WDR25: variants seen among roughly 807,000 people sequenced by gnomAD.
WDR25 encodes the protein WD repeat domain 25, also known as WD repeat-containing protein 25.
A neutral mutation model predicts 47.7 loss-of-function variants in WDR25; 35 were observed. The ratio of observed to expected loss-of-function variants is 0.73; its 90% confidence interval spans 0.56 to 0.97. The LOEUF (loss-of-function observed/expected upper bound fraction) is 0.97. WDR25 is among the 50% of genes least tolerant of loss of function. The pLI is 0.00. For missense variants in WDR25, 634 were observed against 704.7 expected (o/e 0.90, Z 1.14); for synonymous variants, 248 against 278.9 (o/e 0.89, Z 1.10).
At chr14:100,466,793 A>G (rs1446021750) in intron 2 of WDR25, among the ~76,000 whole-genome samples, 3 of 152,220 alleles carry the variant, frequency 2.0e-5, no homozygotes, top group Non-Finnish European at 4.4e-5. Context: ...AGGTGAGAGC[A>G]CTGCCCTCAT....
chr14:100,496,812 C>CT (rs1203437792), intron 4 of WDR25, among the ~76,000 whole-genome samples: 1 of 104,532 alleles, frequency 9.6e-6, no homozygotes, highest in Non-Finnish European at 2.2e-5. Flanking sequence ...TTTTCTTTTT[C>CT]TTTTTTTCTT....
intron 2 of WDR25, among the ~76,000 whole-genome samples, chr14:100,460,530 G>A (rs954831783): frequency 6.6e-6 from 1 of 152,150 alleles, no homozygotes; most frequent in African/African-American, 2.4e-5. Context: ...GAAAATCAAT[G>A]TAACTCAGCA....
At chr14:100,482,145 G>A (rs574984349) in intron 3 of WDR25, among the ~76,000 whole-genome samples, 37 of 151,924 alleles carry the variant, frequency 2.4e-4, no homozygotes, top group Non-Finnish European at 2.9e-4. Context: ...TTCCATCTAG[G>A]TCCGGGCATC....
chr14:100,451,069 G>T (rs568895390), intron 2 of WDR25, among the ~76,000 whole-genome samples: 1 of 152,238 alleles, frequency 6.6e-6, no homozygotes, highest in Non-Finnish European at 1.5e-5. Flanking sequence ...CATTTTCCAA[G>T]AGTGAAAAAA....
chr14:100,495,329 C>G (rs1411632752), intron 4 of WDR25, among the ~76,000 whole-genome samples: 1 of 152,214 alleles, frequency 6.6e-6, no homozygotes, highest in Non-Finnish European at 1.5e-5. Context: ...TGTATCCAGT[C>G]TGGGTGACAG....
chr14:100,391,826 T>C (rs1897152431), intron 2 of WDR25, among the ~76,000 whole-genome samples: 1 of 152,226 alleles, frequency 6.6e-6, no homozygotes, highest in Non-Finnish European at 1.5e-5. Flanking sequence ...GGGTCAAAAC[T>C]ATTTTCATAA....
chr14:100,399,077 CT>C (rs1442721089), intron 2 of WDR25, among the ~76,000 whole-genome samples: 2 of 145,908 alleles, frequency 1.4e-5, no homozygotes, highest in Admixed American at 1.3e-4. Flanking sequence ...TTTCTCATTC[CT>C]TTTTTCTTTT....
intron 3 of WDR25, among the ~76,000 whole-genome samples, chr14:100,477,665 A>G (rs1265638558): frequency 2.0e-5 from 3 of 152,232 alleles, no homozygotes; most frequent in Non-Finnish European, 2.9e-5. Flanking sequence ...AAGATATTTC[A>G]CTGATGAATA....
intron 2 of WDR25, among the ~76,000 whole-genome samples, chr14:100,451,188 A>G (rs998727749): frequency 1.3e-5 from 2 of 152,102 alleles, no homozygotes; most frequent in African/African-American, 4.8e-5. Flanking sequence ...ATGGCCTTGC[A>G]GGATTAAAAG....
At chr14:100,517,322 C>T (rs1279719928) in intron 4 of WDR25, among the ~76,000 whole-genome samples, 1 of 151,828 alleles carries the variant, frequency 6.6e-6, no homozygotes, top group Non-Finnish European at 1.5e-5. Flanking sequence ...CATGATCCAC[C>T]CGCCTCGGCC....
At chr14:100,399,921 G>A (rs1212325226) in intron 2 of WDR25, among the ~76,000 whole-genome samples, 3 of 152,230 alleles carry the variant, frequency 2.0e-5, no homozygotes, top group African/African-American at 7.2e-5. Flanking sequence ...TACCAGATGA[G>A]GAGGGTACGG....
chr14:100,401,160 C>T (rs572369423), intron 2 of WDR25, among the ~76,000 whole-genome samples: 10 of 152,090 alleles, frequency 6.6e-5, no homozygotes, highest in Non-Finnish European at 1.2e-4. Flanking sequence ...TCTGGGCCTC[C>T]GGGGCGCGTC....
chr14:100,475,901 A>AT (rs1900000652), intron 3 of WDR25, among the ~76,000 whole-genome samples: 3 of 150,648 alleles, frequency 2.0e-5, no homozygotes, highest in African/African-American at 7.4e-5. Flanking sequence ...TATATATATA[A>AT]AATTATTTAT....
intron 2 of WDR25, among the ~76,000 whole-genome samples, chr14:100,463,566 C>G (rs1899501551): frequency 1.3e-5 from 2 of 152,208 alleles, no homozygotes; most frequent in South Asian, 4.1e-4. Flanking sequence ...TCTGCACTTG[C>G]TCCCTAGGAG....
chr14:100,453,121 G>T (rs1190772756), intron 2 of WDR25, among the ~76,000 whole-genome samples: 1 of 152,154 alleles, frequency 6.6e-6, no homozygotes, highest in East Asian at 1.9e-4. Flanking sequence ...AGGAGACAGG[G>T]ATTCAGTGGG....
At chr14:100,513,402 C>T (rs1247129052) in intron 4 of WDR25, among the ~76,000 whole-genome samples, 1 of 152,216 alleles carries the variant, frequency 6.6e-6, no homozygotes, top group African/African-American at 2.4e-5. Flanking sequence ...CCTCACCAGA[C>T]ACTGAATCTG....
At chr14:100,435,654 CTCAA>C (rs1799086049) in intron 2 of WDR25, among the ~76,000 whole-genome samples, 1 of 150,994 alleles carries the variant, frequency 6.6e-6, no homozygotes, top group Admixed American at 6.6e-5. Flanking sequence ...CATTCATTCA[CTCAA>C]TCATTCGTTC....
chr14:100,416,520 T>G (rs1897873991), intron 2 of WDR25, among the ~76,000 whole-genome samples: 1 of 152,196 alleles, frequency 6.6e-6, no homozygotes, highest in Non-Finnish European at 1.5e-5. Flanking sequence ...TCCAGCTCTT[T>G]CCCAAACATG....
intron 4 of WDR25, among the ~76,000 whole-genome samples, chr14:100,520,773 T>C (rs2140382284): frequency 6.6e-6 from 1 of 152,300 alleles, no homozygotes; most frequent in Non-Finnish European, 1.5e-5. Flanking sequence ...CGGGCTCGTA[T>C]GTGTCAGGCA....
Sources: gnomAD v4.1 joint callset for allele counts (sites outside exome capture counted in the v4.1 genomes callset) on GRCh38, gnomAD v4.1.1 for gene constraint, MANE v1.5 for transcripts, NCBI Gene and HGNC (gene_info 2026-07-23, HGNC 2026-07-21) for gene names.